NUMB: variants seen among roughly 807,000 people sequenced by gnomAD.
NUMB encodes the protein NUMB endocytic adaptor protein.
In NUMB, 29 loss-of-function variants were observed where a neutral mutation model predicts 59.7. The ratio of observed to expected loss-of-function variants is 0.49; its 90% CI spans 0.36 to 0.66. The LOEUF (loss-of-function observed/expected upper bound fraction) is 0.66, where lower values mean the gene tolerates loss of function less well. Among genes scored for constraint, NUMB ranks in the 30% least tolerant of loss-of-function variants. The pLI is 0.00. For missense variants in NUMB, 723 were observed against 822.0 expected (o/e 0.88, Z 1.47); for synonymous variants, 288 against 288.2 (o/e 1.00, Z 0.01).
At chr14:73,294,422 G>C (rs1482872412) in intron 7 of NUMB, among the ~76,000 whole-genome samples, 1 of 152,138 alleles carries the variant, frequency 6.6e-6, no homozygotes, top group African/African-American at 2.4e-5. Context: ...AGTCTGCCTT[G>C]AATCTACATG....
At chr14:73,297,153 G>C (rs1381367067) in intron 7 of NUMB, 58 bp downstream of exon 7, 2 of 1,192,476 alleles carry the variant, frequency 1.7e-6, no homozygotes, top group Non-Finnish European at 2.5e-6. Flanking sequence ...GGTGACAAGA[G>C]TGAAACTCCA....
At chr14:73,436,736 T>C (rs1256857850) in intron 1 of NUMB, among the ~76,000 whole-genome samples, 1 of 151,910 alleles carries the variant, frequency 6.6e-6, no homozygotes, top group Non-Finnish European at 1.5e-5. Flanking sequence ...ATCCCAGCAC[T>C]TTCGGAGGCT....
chr14:73,445,354 C>CAAAAA lies in NUMB; in HGVS notation c.-233+13134_-233+13138dup, dbSNP rs752154048. 1.6e-3 allele frequency among the ~76,000 whole-genome samples: 91 copies of CAAAAA among 57,554 alleles called. 11 individuals are homozygous for CAAAAA. Among genetic ancestry groups the CAAAAA allele is most frequent in the African/African-American group, 1.9e-3 (32 of 16,514 alleles). 37.8% of individuals were successfully genotyped at this position (57,554 alleles called of 152,430 possible). On this transcript the variant is annotated intron_variant, in intron 1 of 12. Coordinates refer to ENST00000555238, the MANE Select transcript of NUMB (RefSeq NM_001005743.2). ...TGAGTGACAAAGTGAGACCCTGTCT[C>CAAAAA]AAAAAAAAAAAAAAAAAAAAAAAAA... is the stretch of plus-strand genomic sequence containing the variant.
chr14:73,429,380 T>G (rs550477100), intron 1 of NUMB, among the ~76,000 whole-genome samples: 1 of 151,894 alleles, frequency 6.6e-6, no homozygotes, highest in East Asian at 1.9e-4. Flanking sequence ...TCAAAATAAA[T>G]AAATAAATTT....
intron 1 of NUMB, among the ~76,000 whole-genome samples, chr14:73,417,349 G>A (rs146522089): frequency 1.2e-4 from 19 of 152,144 alleles, no homozygotes; most frequent in African/African-American, 4.6e-4. Flanking sequence ...CTACCATGGG[G>A]CTGGAGCCCA....
Position 73,432,599 on chromosome 14 carries a change from C to A in NUMB, c.-232-22531G>T, listed in dbSNP as rs117526918. 4.1e-4 allele frequency among the ~76,000 whole-genome samples: 62 copies of A among 152,048 alleles called. 1 individual carries two copies. The highest frequency in any genetic ancestry group is 1.4e-3 in the African/African-American group (60 of 41,508). On this transcript the variant is annotated intron_variant, in intron 1 of 12. Transcript: ENST00000555238. ...AGAGAAGACATTTAGCCAAATCATA[C>A]GGGCAGGATAAGAATTAAACTCACA...
intron 2 of NUMB, among the ~76,000 whole-genome samples, chr14:73,377,704 C>A (rs61985813): frequency 6.6e-6 from 1 of 151,974 alleles, no homozygotes; most frequent in Non-Finnish European, 1.5e-5. Context: ...TGGTGGCTCA[C>A]GCCTGTAATC....
At chr14:73,437,685 T>C (rs1898116208) in intron 1 of NUMB, among the ~76,000 whole-genome samples, 1 of 152,200 alleles carries the variant, frequency 6.6e-6, no homozygotes, top group Admixed American at 6.5e-5. Context: ...AAAATGCATA[T>C]GGAATGATTC....
chr14:73,359,811 A>G (rs1432678636), intron 3 of NUMB, among the ~76,000 whole-genome samples: 1 of 152,102 alleles, frequency 6.6e-6, no homozygotes, highest in Non-Finnish European at 1.5e-5. Context: ...TTGGCAAAAT[A>G]TTTACACATT....
rs963383901 is a variant in NUMB, at chr14:73,275,704, C to T, written c.*874G>A. The stretch of plus-strand genomic sequence containing the variant: ...TAAAACCAGGACAATACTGCTTTTC[C>T]TTTATTTAAAAAAAACTACAACCTA... On this transcript the variant is annotated 3_prime_UTR_variant, in exon 13 of 13. Transcript: ENST00000555238. The T allele has an allele frequency of 1.3e-5, 2 of 152,216 alleles. No individual in the cohort carries two copies. Among genetic ancestry groups the T allele is most frequent in the Non-Finnish European group, 2.9e-5 (2 of 67,994 alleles). 9.4% of individuals were successfully genotyped at this position (152,216 alleles called of 1,614,324 possible). A position where few individuals can be genotyped will look rare whatever the true frequency, so the allele number is the denominator to read the frequency against.
intron 5 of NUMB, among the ~76,000 whole-genome samples, chr14:73,320,134 C>CG (rs5809612): frequency 0.22 from 33,761 of 151,218 alleles, 4,507 homozygotes; most frequent in East Asian, 0.64. Flanking sequence ...TCCGACTCGG[C>CG]GGGGGGGCAA....
At chr14:73,389,098 TAAAAAAAAAA>T (rs71112747) in intron 2 of NUMB, among the ~76,000 whole-genome samples, 4 of 95,756 alleles carry the variant, frequency 4.2e-5, no homozygotes, top group African/African-American at 1.7e-4. Flanking sequence ...GACTCTGCCT[TAAAAAAAAAA>T]AAAAAAAAAA....
At chr14:73,385,496 C>CTTTTTTTTT (rs35526624) in intron 2 of NUMB, among the ~76,000 whole-genome samples, 11 of 65,356 alleles carry the variant, frequency 1.7e-4, no homozygotes, top group East Asian at 5.0e-4. Flanking sequence ...GGCTAGTGGC[C>CTTTTTTTTT]TTTTTTTTTT....
At chr14:73,430,025 T>C (rs1010553426) in intron 1 of NUMB, among the ~76,000 whole-genome samples, 7 of 152,064 alleles carry the variant, frequency 4.6e-5, no homozygotes, top group African/African-American at 7.2e-5. Flanking sequence ...TACAGGTTTT[T>C]GTGTGACTGT....
At chr14:73,421,754 G>GTAGTTA (rs1441620764) in intron 1 of NUMB, among the ~76,000 whole-genome samples, 2 of 152,118 alleles carry the variant, frequency 1.3e-5, no homozygotes, top group African/African-American at 4.8e-5. Flanking sequence ...TTAATACTCA[G>GTAGTTA]TAGTTACATT....
At chr14:73,424,070 A>G (rs189736456) in intron 1 of NUMB, among the ~76,000 whole-genome samples, 33 of 152,252 alleles carry the variant, frequency 2.2e-4, no homozygotes, top group Non-Finnish European at 7.4e-5. Context: ...AGGCTGGTAC[A>G]AAAGTAATCA....
intron 4 of NUMB, among the ~76,000 whole-genome samples, chr14:73,352,459 TAC>T (rs60134093): frequency 0.086 from 1,670 of 19,478 alleles, 324 homozygotes; most frequent in Middle Eastern, 0.12. Context: ...CACACACACA[TAC>T]ACACACACAC....
chr14:73,419,133 CAAAT>C (rs1329039781), intron 1 of NUMB, among the ~76,000 whole-genome samples: 2 of 151,902 alleles, frequency 1.3e-5, no homozygotes, highest in Admixed American at 6.6e-5. Context: ...AAAAGAAAAA[CAAAT>C]AAAAAATAAA....
At chr14:73,404,878 A>T (rs1033086801) in intron 2 of NUMB, among the ~76,000 whole-genome samples, 1 of 151,848 alleles carries the variant, frequency 6.6e-6, no homozygotes, top group Non-Finnish European at 1.5e-5. Flanking sequence ...CTTATGCCTC[A>T]GCCTCCAGAG....
Sources: allele counts gnomAD v4.1 joint callset (sites outside exome capture counted in the v4.1 genomes callset), GRCh38; gene constraint gnomAD v4.1.1; transcripts MANE v1.5; gene names NCBI Gene and HGNC (gene_info 2026-07-23, HGNC 2026-07-21).